Variants in CDK12 observed in about 807,000 individuals in gnomAD.
CDK12 encodes cyclin dependent kinase 12.
Under a neutral mutation model 133.8 loss-of-function variants are expected in CDK12, and 17 were observed. The observed-to-expected ratio is 0.13, with a 90% confidence interval of 0.09 to 0.19. CDK12 has a LOEUF of 0.19. Among genes scored for constraint, CDK12 ranks in the 10% least tolerant of loss-of-function variants. The probability of loss-of-function intolerance (pLI) is 1.00; values close to 1 mark genes in which losing one functional copy is unlikely to be tolerated. For missense variants in CDK12, 1,508 were observed against 1,818.7 expected (o/e 0.83, Z 3.11); for synonymous variants, 694 against 683.6 (o/e 1.02, Z -0.24).
intron 2 of CDK12, among the ~76,000 whole-genome samples, chr17:39,489,837 A>G (rs1287781080): frequency 7.5e-6 from 1 of 133,230 alleles, no homozygotes; most frequent in African/African-American, 2.8e-5. Context: ...ATGGAGTCTC[A>G]CTGTGTTTTC....
At chr17:39,525,836 T>A in intron 12 of CDK12, 28 bp from the exon 13 acceptor site, 1 of 1,590,070 alleles carries the variant, frequency 6.3e-7, no homozygotes, top group Non-Finnish European at 8.6e-7. Context: ...TCTCATCGTC[T>A]TATATTGGCT....
Position 39,462,304 on chromosome 17 carries a change from C to G in CDK12, c.233C>G (p.Ser78Cys), listed in dbSNP as rs2144859352. ...KPLVEYDDIS[S>C]DSDTFSDDMA... ...TTGGTGGAGTATGATGATATCAGCT[C>G]TGATTCCGACACCTTCTCCGATGAC... Residue 78 changes from serine (S) to cysteine (C), a missense_variant, in exon 1 of 14, where the codon TCT becomes TGT. By Grantham distance (112) the Ser-to-Cys change is moderately radical. Coordinates refer to ENST00000447079, the MANE Select transcript of CDK12 (RefSeq NM_016507.4). 1 of 1,614,190 alleles carries G rather than the reference C, an allele frequency of 6.2e-7. No individual in the cohort carries two copies. Among genetic ancestry groups the G allele is most frequent in the Non-Finnish European group, 8.5e-7 (1 of 1,180,036 alleles).
chr17:39,538,047 G>A (rs1049783066), downstream of CDK12, among the ~76,000 whole-genome samples: 1 of 152,170 alleles, frequency 6.6e-6, no homozygotes, highest in African/African-American at 2.4e-5. Context: ...TAGGGTTGGA[G>A]GATGGGCCAA....
intron 5 of CDK12, 57 bp from the exon 6 acceptor site, chr17:39,501,193 G>A: frequency 1.6e-6 from 2 of 1,278,512 alleles, no homozygotes; most frequent in South Asian, 1.6e-5. Context: ...TTGAGGCATT[G>A]TTATTTCAGC....
chr17:39,473,852 T>G (rs2145283152), intron 2 of CDK12, among the ~76,000 whole-genome samples: 1 of 151,278 alleles, frequency 6.6e-6, no homozygotes, highest in Non-Finnish European at 1.5e-5. Context: ...GCCACTGCCC[T>G]CTAGCCTGGG....
chr17:39,482,015 C>CTTTTTTTTTTTTTTTTTT (rs56340258), intron 2 of CDK12, among the ~76,000 whole-genome samples: 7 of 96,252 alleles, frequency 7.3e-5, no homozygotes, highest in African/African-American at 1.3e-4. Flanking sequence ...CCTGGCTTGC[C>CTTTTTTTTTTTTTTTTTT]TTTTTTTTTT....
At chr17:39,547,129 A>AC (rs1555586724), upstream of CDK12, among the ~76,000 whole-genome samples, 2 of 90,610 alleles carry the variant, frequency 2.2e-5, no homozygotes, top group East Asian at 6.4e-4. Context: ...GAGTACTAGG[A>AC]TTTTTTTTTT....
At chr17:39,476,995 T>C (rs1177645114) in intron 2 of CDK12, among the ~76,000 whole-genome samples, 2 of 151,292 alleles carry the variant, frequency 1.3e-5, no homozygotes, top group Non-Finnish European at 2.9e-5. Context: ...ATTACAGGCG[T>C]GAACCACCAA....
chr17:39,547,982 G>A (rs534222460), upstream of CDK12, among the ~76,000 whole-genome samples: 169 of 152,220 alleles, frequency 1.1e-3, 1 homozygote, highest in African/African-American at 4.0e-3. Context: ...GTATGCATGG[G>A]GTACCTTGAG....
chr17:39,510,448 C>G (rs142013399), intron 7 of CDK12, among the ~76,000 whole-genome samples: 2 of 151,710 alleles, frequency 1.3e-5, no homozygotes, highest in Admixed American at 1.3e-4. Context: ...CCTAGATGTT[C>G]TAGTATTCTG....
At chr17:39,464,695 T>G (rs1472222532) in intron 1 of CDK12, among the ~76,000 whole-genome samples, 7 of 152,012 alleles carry the variant, frequency 4.6e-5, no homozygotes, top group African/African-American at 1.5e-4. Context: ...ACAGAAAGGT[T>G]GTAGTGAACA....
intron 2 of CDK12, among the ~76,000 whole-genome samples, chr17:39,479,767 T>C (rs906101000): frequency 6.6e-6 from 1 of 151,826 alleles, no homozygotes; most frequent in Non-Finnish European, 1.5e-5. Context: ...GCTGAGACTA[T>C]AGGTGCTCAC....
downstream of CDK12, among the ~76,000 whole-genome samples, chr17:39,539,227 G>C (rs1182452324): frequency 6.6e-6 from 1 of 152,206 alleles, no homozygotes; most frequent in Non-Finnish European, 1.5e-5. Flanking sequence ...GGAAAATCAA[G>C]TCATGACCTG....
intron 2 of CDK12, among the ~76,000 whole-genome samples, chr17:39,472,540 G>A (rs145552652): frequency 6.6e-6 from 1 of 151,930 alleles, no homozygotes; most frequent in African/African-American, 2.4e-5. Flanking sequence ...TGGGCGTGGT[G>A]GTGGGCCCCT....
chr17:39,548,198 C>T (rs1358100232), upstream of CDK12, among the ~76,000 whole-genome samples: 2 of 152,084 alleles, frequency 1.3e-5, no homozygotes, highest in Non-Finnish European at 2.9e-5. Context: ...CTGGGGCTCT[C>T]TGGGCCCCAG....
chr17:39,530,383 CAT>C (rs1384473221), intron 13 of CDK12: 3 of 526,478 alleles, frequency 5.7e-6, no homozygotes, highest in Admixed American at 3.9e-5. Context: ...TCATTTGAAA[CAT>C]ATGATATTTT....
intron 2 of CDK12, among the ~76,000 whole-genome samples, chr17:39,484,598 T>C (rs1339356132): frequency 1.3e-5 from 2 of 152,232 alleles, no homozygotes; most frequent in East Asian, 3.8e-4. Flanking sequence ...ATTCAAATTG[T>C]ATATCCTGAA....
intron 13 of CDK12, among the ~76,000 whole-genome samples, chr17:39,526,941 T>G (rs531320753): frequency 6.6e-6 from 1 of 152,290 alleles, no homozygotes; most frequent in East Asian, 1.9e-4. Context: ...AGTGCGTGTA[T>G]TATAAAGAAA....
chr17:39,517,222 G>A (rs955737066), intron 9 of CDK12, among the ~76,000 whole-genome samples: 1 of 152,096 alleles, frequency 6.6e-6, no homozygotes, highest in African/African-American at 2.4e-5. Context: ...ATTATTATCC[G>A]AGTATTTTTT....
Sources: allele counts gnomAD v4.1 joint callset (sites outside exome capture counted in the v4.1 genomes callset), GRCh38; gene constraint gnomAD v4.1.1; transcripts MANE v1.5; gene names NCBI Gene and HGNC (gene_info 2026-07-23, HGNC 2026-07-21).